TRAPPC9: variants seen among roughly 807,000 people sequenced by gnomAD.
TRAPPC9 encodes IKK2 binding protein.
In TRAPPC9, 83 loss-of-function variants were observed where a neutral mutation model predicts 124.0. That is an observed-to-expected ratio of 0.67 (90% confidence interval 0.56 to 0.80). The LOEUF is 0.80. Among genes scored for constraint, TRAPPC9 ranks in the 30% least tolerant of loss-of-function variants. The probability of loss-of-function intolerance (pLI) is 0.00; values close to 1 mark genes in which losing one functional copy is unlikely to be tolerated. For synonymous variants in TRAPPC9, 638 were observed against 617.5 expected (o/e 1.03, Z -0.49); for missense variants, 1,302 against 1,508.3 (o/e 0.86, Z 2.27).
intron 10 of TRAPPC9, among the ~76,000 whole-genome samples, chr8:140,304,552 T>C (rs1033905200): frequency 1.2e-4 from 19 of 152,102 alleles, no homozygotes; most frequent in African/African-American, 3.9e-4. Context: ...CAGGTGGAGA[T>C]GAGGAGCAAG....
intron 17 of TRAPPC9, among the ~76,000 whole-genome samples, chr8:140,156,628 G>A (rs980380096): frequency 1.3e-5 from 2 of 152,240 alleles, no homozygotes; most frequent in African/African-American, 4.8e-5. Flanking sequence ...AAGCAGTGGA[G>A]CTCCAGCCCT....
intron 11 of TRAPPC9, among the ~76,000 whole-genome samples, chr8:140,297,283 A>G (rs934445971): frequency 5.3e-5 from 8 of 152,280 alleles, no homozygotes; most frequent in Admixed American, 5.2e-4. Context: ...ATAGACTAAA[A>G]ATGGCATTTT....
intron 5 of TRAPPC9, among the ~76,000 whole-genome samples, chr8:140,416,897 G>A (rs1031536126): frequency 6.6e-6 from 1 of 152,018 alleles, no homozygotes; most frequent in African/African-American, 2.4e-5. Flanking sequence ...CAGAACAGAG[G>A]CCTCAGAAAT....
intron 18 of TRAPPC9, among the ~76,000 whole-genome samples, chr8:140,020,879 A>T (rs1414454637): frequency 2.0e-5 from 3 of 152,196 alleles, no homozygotes; most frequent in Non-Finnish European, 4.4e-5. Context: ...TTTTGCTGTC[A>T]TTAAAAATTG....
chr8:139,926,030 C>G (rs1396971724), intron 19 of TRAPPC9, among the ~76,000 whole-genome samples: 1 of 152,230 alleles, frequency 6.6e-6, no homozygotes, highest in Non-Finnish European at 1.5e-5. Flanking sequence ...GTTAGCATCT[C>G]TTCTCCACTC....
At chr8:140,020,619 C>G (rs6578059) in intron 18 of TRAPPC9, among the ~76,000 whole-genome samples, 2,973 of 151,510 alleles carry the variant, frequency 0.02, 80 homozygotes, top group African/African-American at 0.068. Context: ...GAGTGAGATT[C>G]TATCTCAAAA....
At chr8:139,833,041 C>T (rs555296186) in intron 21 of TRAPPC9, among the ~76,000 whole-genome samples, 5 of 152,222 alleles carry the variant, frequency 3.3e-5, no homozygotes, top group Non-Finnish European at 5.9e-5. Context: ...GGAGGGGCCA[C>T]GTGTCCAGGA....
At chr8:139,765,105 G>T (rs1303830197) in intron 21 of TRAPPC9, among the ~76,000 whole-genome samples, 1 of 152,192 alleles carries the variant, frequency 6.6e-6, no homozygotes, top group African/African-American at 2.4e-5. Context: ...CTGAACACCT[G>T]CTCAGGCTGG....
intron 21 of TRAPPC9, among the ~76,000 whole-genome samples, chr8:139,800,012 A>C (rs1823364302): frequency 6.6e-6 from 1 of 152,384 alleles, no homozygotes; most frequent in East Asian, 1.9e-4. Flanking sequence ...CTAGCTCCAG[A>C]GGCAGTCAGA....
chr8:139,988,714 T>C lies in TRAPPC9; in HGVS notation c.2810+12A>G. On this transcript the variant is annotated intron_variant, in intron 19 of 22. Coordinates refer to ENST00000438773, the MANE Select transcript of TRAPPC9 (RefSeq NM_001160372.4). ...TGGCCTGCGGCGGCGCGAGGGTCTA[T>C]GGGACACTTACCGCTGGCACTCACC... 1.3e-6 allele frequency: 2 copies of C among 1,539,896 alleles called. No individual in the cohort carries two copies. Among genetic ancestry groups the C allele is most frequent in the Non-Finnish European group, 1.8e-6 (2 of 1,138,150 alleles).
chr8:140,284,045 C>G, intron 13 of TRAPPC9, 24 bp from the exon 14 acceptor site: 1 of 1,613,684 alleles, frequency 6.2e-7, no homozygotes, highest in Non-Finnish European at 8.5e-7. Flanking sequence ...GGAACTTCTT[C>G]ACTCCACTGG....
chr8:140,286,103 C>T lies in TRAPPC9; in HGVS notation c.1981+1505G>A, dbSNP rs564910173. 8.7e-4 allele frequency among the ~76,000 whole-genome samples: 132 copies of T among 152,306 alleles called. 2 individuals carry two copies. The South Asian group carries it at 0.027, about 31-fold the overall frequency. On this transcript the variant is annotated intron_variant, in intron 13 of 22. Coordinates refer to ENST00000438773, the MANE Select transcript of TRAPPC9 (RefSeq NM_001160372.4). ...GCGAGCCCATGCCGAGGAAGGCTCC[C>T]GGAGGAAGGAAAGCCTGTGCTGAGG...
intron 19 of TRAPPC9, among the ~76,000 whole-genome samples, chr8:139,971,985 C>T (rs1836135168): frequency 6.6e-6 from 1 of 151,994 alleles, no homozygotes. Context: ...CCATGCCCGC[C>T]TAAATTTTTT....
At chr8:140,305,883 T>C (rs1177104828) in intron 10 of TRAPPC9, among the ~76,000 whole-genome samples, 1 of 152,222 alleles carries the variant, frequency 6.6e-6, no homozygotes, top group East Asian at 1.9e-4. Flanking sequence ...GGAAGTTAAA[T>C]CATTTGTTCA....
intron 17 of TRAPPC9, among the ~76,000 whole-genome samples, chr8:140,025,791 T>G (rs1840108808): frequency 6.6e-6 from 1 of 152,222 alleles, no homozygotes; most frequent in South Asian, 2.1e-4. Context: ...GAAATGAGTT[T>G]TAGTCCCGTT....
intron 16 of TRAPPC9, among the ~76,000 whole-genome samples, chr8:140,237,541 T>C (rs909432881): frequency 1.1e-4 from 16 of 151,994 alleles, no homozygotes; most frequent in African/African-American, 3.9e-4. Context: ...CAGTGTTTTT[T>C]AAAGACCCCC....
At chr8:140,099,630 C>G (rs2060534780) in intron 17 of TRAPPC9, 1 of 152,166 alleles carries the variant, frequency 6.6e-6, no homozygotes, top group Admixed American at 6.6e-5. Flanking sequence ...CTGACCCCCG[C>G]CCGGGTCCCC....
intron 21 of TRAPPC9, among the ~76,000 whole-genome samples, chr8:139,800,279 C>G (rs1186504927): frequency 6.6e-6 from 1 of 152,226 alleles, no homozygotes; most frequent in African/African-American, 2.4e-5. Flanking sequence ...TGGCCAAGGC[C>G]TGAGAAGCAG....
chr8:139,963,875 T>C (rs996203875), intron 19 of TRAPPC9, among the ~76,000 whole-genome samples: 4 of 151,858 alleles, frequency 2.6e-5, no homozygotes. Context: ...TGATAGGGCA[T>C]GATTAGTAAA....
Sources: gnomAD v4.1 joint callset for allele counts (sites outside exome capture counted in the v4.1 genomes callset) on GRCh38, gnomAD v4.1.1 for gene constraint, MANE v1.5 for transcripts, NCBI Gene and HGNC (gene_info 2026-07-23, HGNC 2026-07-21) for gene names.